The following ZNF469 variants were observed in gnomAD, a reference collection of about 807,000 sequenced individuals.
ZNF469 encodes the protein zinc finger protein 469.
Under a neutral mutation model 1.0 loss-of-function variants are expected in ZNF469, and 1 was observed. The ratio of observed to expected loss-of-function variants is 1.00; its 90% CI spans 0.35 to 4.73. ZNF469 has a LOEUF of 4.73. Ranked by LOEUF, ZNF469 falls within the 30% of genes most tolerant of loss-of-function variation. ZNF469 has a pLI of 0.16. For synonymous variants in ZNF469, 2,703 were observed against 2,363.4 expected (o/e 1.14, Z -4.17); for missense variants, 6,100 against 5,356.3 (o/e 1.14, Z -4.33).
the ZNF469 span, among the ~76,000 whole-genome samples, chr16:88,119,993 G>A: frequency 3.9e-5 from 6 of 152,192 alleles, no homozygotes; most frequent in Non-Finnish European, 7.4e-5. Flanking sequence ...TGCTGTGAGG[G>A]GAGCACTGTC....
the ZNF469 span, among the ~76,000 whole-genome samples, chr16:88,152,538 G>T: frequency 0.023 from 3,522 of 152,254 alleles, 140 homozygotes; most frequent in African/African-American, 0.081. The surrounding 1 kb of genome is among the most constrained non-coding windows in gnomAD (Gnocchi z 4.2). Flanking sequence ...TCTGTCCCTG[G>T]CTGGGTCTTC....
At chr16:88,211,406 C>A in the ZNF469 span, among the ~76,000 whole-genome samples, 1 of 152,230 alleles carries the variant, frequency 6.6e-6, no homozygotes, top group African/African-American at 2.4e-5. Flanking sequence ...GTCACGGACT[C>A]TTCAGGGTGG....
At chr16:88,134,454 T>A in the ZNF469 span, among the ~76,000 whole-genome samples, 3 of 152,218 alleles carry the variant, frequency 2.0e-5, no homozygotes, top group African/African-American at 7.2e-5. Flanking sequence ...TATGGATGGG[T>A]CTAGATCATT....
chr16:88,169,870 GTC>G, the ZNF469 span, among the ~76,000 whole-genome samples: 1 of 152,232 alleles, frequency 6.6e-6, no homozygotes, highest in African/African-American at 2.4e-5. This position sits in a 1 kb window ranked among gnomAD's most constrained non-coding sequence, Gnocchi z 6.1. Context: ...GGGCCCACCA[GTC>G]TCTCTGGGGT....
At chr16:88,121,164 T>G in the ZNF469 span, among the ~76,000 whole-genome samples, 1 of 27,846 alleles carries the variant, frequency 3.6e-5, no homozygotes, top group Non-Finnish European at 6.7e-5. Flanking sequence ...GTACCATGCA[T>G]TGTGGGGTGG....
the ZNF469 span, among the ~76,000 whole-genome samples, chr16:88,118,674 G>C: frequency 2.0e-5 from 3 of 152,204 alleles, no homozygotes; most frequent in Non-Finnish European, 2.9e-5. Context: ...GGCTTCCTTA[G>C]CAGAGGGGCC....
the ZNF469 span, among the ~76,000 whole-genome samples, chr16:88,111,084 C>T: frequency 6.6e-6 from 1 of 152,186 alleles, no homozygotes; most frequent in African/African-American, 2.4e-5. Context: ...TGGGCCGGTG[C>T]GACTTCCCAA....
the ZNF469 span, among the ~76,000 whole-genome samples, chr16:88,134,490 C>T: frequency 1.3e-5 from 2 of 152,204 alleles, no homozygotes; most frequent in Admixed American, 1.3e-4. Flanking sequence ...CTGCAATGAG[C>T]CGTGTTGCAA....
the ZNF469 span, among the ~76,000 whole-genome samples, chr16:88,163,459 G>A: frequency 2.6e-5 from 4 of 151,624 alleles, no homozygotes; most frequent in Non-Finnish European, 5.9e-5. Flanking sequence ...GTGATGGATG[G>A]ATGGATAGAT....
chr16:88,130,472 G>T, the ZNF469 span, among the ~76,000 whole-genome samples: 1 of 152,088 alleles, frequency 6.6e-6, no homozygotes, highest in African/African-American at 2.4e-5. Flanking sequence ...AGTGGAGGCC[G>T]AGGCGGGCGG....
the ZNF469 span, among the ~76,000 whole-genome samples, chr16:88,272,935 C>T: frequency 8.6e-5 from 11 of 128,304 alleles, no homozygotes; most frequent in East Asian, 7.2e-4. Context: ...GACGAGTGGA[C>T]GGATGGATGA....
chr16:88,331,413 TCAC>T, the ZNF469 span, among the ~76,000 whole-genome samples: 7 of 147,712 alleles, frequency 4.7e-5, no homozygotes, highest in African/African-American at 1.5e-4. Flanking sequence ...GTCATCACCA[TCAC>T]CACCACCAAC....
chr16:88,305,239 C>T, the ZNF469 span, among the ~76,000 whole-genome samples: 2 of 151,876 alleles, frequency 1.3e-5, no homozygotes, highest in South Asian at 4.2e-4. Context: ...CACACACACG[C>T]TCACAGGCAC....
Position 88,415,399 on chromosome 16 carries a change from C to T in ZNF469, c.-191-9408C>T, listed in dbSNP as rs1043670751. Reference sequence around the variant, plus strand: ...CCCCTCCTCAAACCTCAGCCAGACTCCACCCCTGGCTGAAGGAGGGAAGAA... The same window carrying T: ...CCCCTCCTCAAACCTCAGCCAGACTTCACCCCTGGCTGAAGGAGGGAAGAA... On this transcript the variant is annotated intron_variant, in intron 1 of 2. Transcript: ENST00000565624. Among the ~76,000 whole-genome samples, 4 of 152,206 alleles carry T rather than the reference C, an allele frequency of 2.6e-5. No individual in the cohort carries two copies. In the South Asian group the frequency reaches 6.2e-4, roughly 24 times the overall value.
At chr16:88,275,804 G>A in the ZNF469 span, among the ~76,000 whole-genome samples, 5 of 152,256 alleles carry the variant, frequency 3.3e-5, no homozygotes, top group African/African-American at 1.2e-4. Context: ...CTCTTGTTGC[G>A]GCATGGCGGA....
the ZNF469 span, among the ~76,000 whole-genome samples, chr16:88,359,240 G>A: frequency 6.6e-6 from 1 of 151,748 alleles, no homozygotes; most frequent in Non-Finnish European, 1.5e-5. Flanking sequence ...GTCTGCTTCT[G>A]AGCGTCCCGG....
At chr16:88,128,602 A>C in the ZNF469 span, among the ~76,000 whole-genome samples, 129 of 152,274 alleles carry the variant, frequency 8.5e-4, no homozygotes, top group African/African-American at 3.0e-3. Context: ...CACAGCTCAG[A>C]CAAGAGACCC....
At chr16:88,228,853 C>T in the ZNF469 span, among the ~76,000 whole-genome samples, 1 of 152,154 alleles carries the variant, frequency 6.6e-6, no homozygotes, top group African/African-American at 2.4e-5. Flanking sequence ...CAACACACAC[C>T]AGTTTGGCCA....
chr16:88,141,463 C>T, the ZNF469 span, among the ~76,000 whole-genome samples: 1 of 141,928 alleles, frequency 7.0e-6, no homozygotes, highest in African/African-American at 2.6e-5. Flanking sequence ...CCGGAGCCTG[C>T]TATGAAACGC....
Sources: gnomAD v4.1 joint callset for allele counts (sites outside exome capture counted in the v4.1 genomes callset) on GRCh38, gnomAD v4.1.1 for gene constraint, Gnocchi (gnomAD v3.1) non-coding constraint, MANE v1.5 for transcripts, NCBI Gene and HGNC (gene_info 2026-07-23, HGNC 2026-07-21) for gene names.